TRAF3: variants seen among roughly 807,000 people sequenced by gnomAD.
The protein encoded by TRAF3 is TNF receptor associated factor 3.
Under a neutral mutation model 62.3 loss-of-function variants are expected in TRAF3, and 13 were observed. The observed-to-expected ratio is 0.21, with a 90% CI of 0.14 to 0.33. The LOEUF is 0.33. Ranked by LOEUF, TRAF3 falls within the 10% of genes least tolerant of loss-of-function variation. The pLI is 1.00. For synonymous variants in TRAF3, 269 were observed against 283.4 expected (o/e 0.95, Z 0.51); for missense variants, 440 against 741.8 (o/e 0.59, Z 4.73).
chr14:102,798,227 T>C (rs924756239), intron 1 of TRAF3, among the ~76,000 whole-genome samples: 11 of 140,720 alleles, frequency 7.8e-5, no homozygotes, highest in East Asian at 4.0e-4. Context: ...CAGAAAACCC[T>C]TTTTTTTTTT....
intron 2 of TRAF3, among the ~76,000 whole-genome samples, chr14:102,847,006 A>G (rs1253944722): frequency 1.3e-5 from 2 of 152,174 alleles, no homozygotes; most frequent in Non-Finnish European, 2.9e-5. Context: ...ATGCTTTTCT[A>G]TAAGTAAGTA....
intron 1 of TRAF3, among the ~76,000 whole-genome samples, chr14:102,795,591 T>C (rs1595290658): frequency 8.7e-6 from 1 of 114,716 alleles, no homozygotes; most frequent in South Asian, 3.1e-4. Context: ...ATGCATGATA[T>C]GTATATATGT....
chr14:102,833,790 C>T (rs1278431063), intron 2 of TRAF3, among the ~76,000 whole-genome samples: 1 of 151,944 alleles, frequency 6.6e-6, no homozygotes, highest in East Asian at 1.9e-4. Context: ...GTCAGGAATT[C>T]GAGACCAGCC....
At chr14:102,792,140 T>TAA (rs1555365627) in intron 1 of TRAF3, among the ~76,000 whole-genome samples, 1 of 140,302 alleles carries the variant, frequency 7.1e-6, no homozygotes, top group Non-Finnish European at 1.5e-5. Context: ...TTTTTTTTTT[T>TAA]ATCAGACCAG....
intron 1 of TRAF3, among the ~76,000 whole-genome samples, chr14:102,794,325 C>T (rs1404964007): frequency 6.6e-6 from 1 of 152,184 alleles, no homozygotes; most frequent in Non-Finnish European, 1.5e-5. Flanking sequence ...CAGGTGCATG[C>T]CACCTTGCAT....
At chr14:102,869,107 G>C (rs561179837) in intron 2 of TRAF3, among the ~76,000 whole-genome samples, 1 of 152,184 alleles carries the variant, frequency 6.6e-6, no homozygotes, top group Admixed American at 6.5e-5. Flanking sequence ...ACAGGGAGCC[G>C]CACCTCCCTC....
chr14:102,892,067 T>C (rs1488257700), intron 9 of TRAF3, among the ~76,000 whole-genome samples: 23 of 150,906 alleles, frequency 1.5e-4, no homozygotes, highest in Middle Eastern at 3.4e-3. Flanking sequence ...TTTTTTTTTT[T>C]TCCCCAAGAC....
chr14:102,802,154 ATTTT>A (rs1202677524), intron 1 of TRAF3, among the ~76,000 whole-genome samples: 1 of 81,036 alleles, frequency 1.2e-5, no homozygotes, highest in African/African-American at 4.2e-5. Context: ...ACCTGGACTC[ATTTT>A]TTTTTTTTTT....
At position 102,875,609 on chromosome 14, in the gene TRAF3, A is replaced by G. The variant is rs916337700; in HGVS notation, c.298-15A>G. ...GAAATATTAATCCTCCAAAATAATG[A>G]TCTTTCATTTTCAGGTGTTTAAGGA... On this transcript the variant is annotated splice_polypyrimidine_tract_variant and intron_variant, in intron 4 of 11. Transcript: ENST00000392745. The G allele has an allele frequency of 1.9e-6, 3 of 1,605,628 alleles. No homozygotes were observed. The highest frequency in any genetic ancestry group is 2.6e-6 in the Non-Finnish European group (3 of 1,172,804).
intron 1 of TRAF3, among the ~76,000 whole-genome samples, chr14:102,800,145 A>G (rs1297485107): frequency 8.5e-5 from 13 of 152,166 alleles, no homozygotes; most frequent in African/African-American, 3.1e-4. Flanking sequence ...TACAATTTCT[A>G]TCAGTTAAGA....
chr14:102,839,579 A>G (rs2139672353), intron 2 of TRAF3, among the ~76,000 whole-genome samples: 1 of 152,282 alleles, frequency 6.6e-6, no homozygotes, highest in East Asian at 1.9e-4. Context: ...TTCAACAGTG[A>G]AGAAATTGAC....
intron 4 of TRAF3, among the ~76,000 whole-genome samples, chr14:102,873,633 G>T (rs898968174): frequency 2.0e-5 from 3 of 152,196 alleles, no homozygotes; most frequent in South Asian, 4.1e-4. Flanking sequence ...ATCCTCACCC[G>T]TCAGCAGGTC....
chr14:102,888,547 A>G (rs1204965963), intron 7 of TRAF3, among the ~76,000 whole-genome samples: 1 of 152,196 alleles, frequency 6.6e-6, no homozygotes, highest in Non-Finnish European at 1.5e-5. Flanking sequence ...TGCGCCCTCC[A>G]GGAGGATGTG....
chr14:102,820,585 TATATATATATATATATATATA>T (rs1899846194), intron 1 of TRAF3, among the ~76,000 whole-genome samples: 1 of 6,250 alleles, frequency 1.6e-4, no homozygotes, highest in African/African-American at 6.8e-4. Flanking sequence ...TATATATATA[TATATATATATATATATATATA>T]TATATATATT....
rs1379661780 is a variant in TRAF3, at chr14:102,908,899, G to C, written c.*3115G>C. 1 of 152,320 alleles carries C rather than the reference G, an allele frequency of 6.6e-6. No homozygotes were observed. Among genetic ancestry groups the C allele is most frequent in the East Asian group, 1.9e-4 (1 of 5,206 alleles). The allele number at this position is 152,320 out of a possible 1,614,324, so 9.4% of individuals were successfully genotyped here. On this transcript the variant is annotated 3_prime_UTR_variant, in exon 12 of 12. Coordinates refer to ENST00000392745, the MANE Select transcript of TRAF3 (RefSeq NM_145725.3). ...GGCCCGGCTCACGTGAAGGGCACTG[G>C]CTCTTGTGACCACACTGAGCCACGT...
chr14:102,870,162 A>C, intron 2 of TRAF3, 23 bp from the exon 3 acceptor site: 3 of 1,613,824 alleles, frequency 1.9e-6, no homozygotes, highest in South Asian at 2.2e-5. Context: ...ATATGATGGC[A>C]CTCTACTGTT....
chr14:102,877,770 CT>C (rs1399180131), intron 6 of TRAF3, among the ~76,000 whole-genome samples: 2 of 151,696 alleles, frequency 1.3e-5, no homozygotes, highest in Admixed American at 1.3e-4. Flanking sequence ...AGGCCTTCCG[CT>C]CAGCTCATAG....
intron 2 of TRAF3, among the ~76,000 whole-genome samples, chr14:102,856,330 G>A: frequency 6.6e-6 from 1 of 152,100 alleles, no homozygotes; most frequent in East Asian, 1.9e-4. Flanking sequence ...TGAGTTTTAT[G>A]GGAAAGGGGT....
At chr14:102,841,727 A>G (rs1347504511) in intron 2 of TRAF3, among the ~76,000 whole-genome samples, 3 of 152,236 alleles carry the variant, frequency 2.0e-5, no homozygotes, top group African/African-American at 7.2e-5. Flanking sequence ...ATTACCAGGT[A>G]TGCAGAGAAG....
Sources: gnomAD v4.1 joint callset for allele counts (sites outside exome capture counted in the v4.1 genomes callset) on GRCh38, gnomAD v4.1.1 for gene constraint, MANE v1.5 for transcripts, NCBI Gene and HGNC (gene_info 2026-07-23, HGNC 2026-07-21) for gene names.